Variants in PTGER4 observed in about 807,000 individuals in gnomAD.
PTGER4 encodes prostaglandin E receptor 4.
PTGER4 carries 11 observed loss-of-function variants against 33.2 expected under a neutral mutation model. That is an observed-to-expected ratio of 0.33 (90% CI 0.21 to 0.55). The LOEUF (loss-of-function observed/expected upper bound fraction) is 0.55. PTGER4 is among the 20% of genes least tolerant of loss of function. The pLI, the probability that PTGER4 is intolerant of heterozygous loss-of-function variation, is 0.92. For synonymous variants in PTGER4, 275 were observed against 281.5 expected, an observed-to-expected ratio of 0.98 and a Z score of 0.23; for missense variants, 481 against 650.2, an observed-to-expected ratio of 0.74 and a Z score of 2.83.
At position 40,692,953 on chromosome 5, in the gene PTGER4, A is replaced by C. The variant is rs1741510795; in HGVS notation, c.*575A>C. 3.1e-6 allele frequency: 3 copies of C among 963,188 alleles called. No individual in the cohort carries two copies. Among genetic ancestry groups the C allele is most frequent in the Non-Finnish European group, 3.7e-6 (3 of 809,528 alleles). The allele number at this position is 963,188 out of a possible 1,614,324, so 59.7% of individuals were successfully genotyped here. Reference sequence around the variant, plus strand: ...CCAGCTGAAGTTGCAGATGTTAGATATTTTTCATAAACAAGTTCGAGTCAA... The same window carrying C: ...CCAGCTGAAGTTGCAGATGTTAGATCTTTTTCATAAACAAGTTCGAGTCAA... On this transcript the variant is annotated 3_prime_UTR_variant, in exon 3 of 3. Coordinates refer to ENST00000302472, the MANE Select transcript of PTGER4 (RefSeq NM_000958.3).
chr5:40,734,146 T>C, the PTGER4 span, among the ~76,000 whole-genome samples: 1 of 152,212 alleles, frequency 6.6e-6, no homozygotes, highest in Non-Finnish European at 1.5e-5. Flanking sequence ...ATCATCAACT[T>C]ATTCAATTCT....
chr5:40,738,494 C>CAATAAAATAA, the PTGER4 span, among the ~76,000 whole-genome samples: 20 of 87,752 alleles, frequency 2.3e-4, no homozygotes, highest in African/African-American at 8.7e-4. Context: ...CAATACAATA[C>CAATAAAATAA]AATACAATAC....
chr5:40,746,381 C>T, the PTGER4 span, among the ~76,000 whole-genome samples: 1 of 152,022 alleles, frequency 6.6e-6, no homozygotes, highest in African/African-American at 2.4e-5. Context: ...AACTAAATAC[C>T]TATTTTTTTT....
chr5:40,717,362 C>T, the PTGER4 span, among the ~76,000 whole-genome samples: 1 of 151,980 alleles, frequency 6.6e-6, no homozygotes, highest in Non-Finnish European at 1.5e-5. Context: ...AAGGTATCAG[C>T]TGGGAATTGG....
chr5:40,698,111 AAAAAAAAAC>A (rs1218650028), downstream of PTGER4, among the ~76,000 whole-genome samples: 32 of 146,426 alleles, frequency 2.2e-4, no homozygotes, highest in South Asian at 6.6e-4. Flanking sequence ...AAAAAAAAAA[AAAAAAAAAC>A]CATGAAAAAT....
rs757175737 is a variant in PTGER4 at position 40,680,945 on chromosome 5, C to A, written c.-43-6C>A. 3.2e-5 allele frequency: 50 copies of A among 1,559,918 alleles called. No homozygotes were observed. The highest frequency in any genetic ancestry group is 4.2e-5 in the Non-Finnish European group (49 of 1,153,002). On this transcript the variant is annotated splice_region_variant and splice_polypyrimidine_tract_variant and intron_variant, in intron 1 of 2. Transcript: ENST00000302472. The surrounding 1 kb of genome is among the most constrained non-coding windows in gnomAD (Gnocchi z 5.5). ...GGCAGCTTTGTCTCTCTTCTACCAT[C>A]CCCAGACCCAGCCTTGCACTCCAAG...
chr5:40,710,013 T>C, the PTGER4 span, among the ~76,000 whole-genome samples: 6 of 152,194 alleles, frequency 3.9e-5, no homozygotes, highest in Non-Finnish European at 4.4e-5. Flanking sequence ...GACATAGGCA[T>C]AGGCAAGGAC....
At chr5:40,737,733 T>A in the PTGER4 span, among the ~76,000 whole-genome samples, 1 of 152,202 alleles carries the variant, frequency 6.6e-6, no homozygotes, top group East Asian at 1.9e-4. Flanking sequence ...TGTGCCCCTT[T>A]CTCGGGAAAT....
chr5:40,721,612 T>C, the PTGER4 span, among the ~76,000 whole-genome samples: 1 of 151,974 alleles, frequency 6.6e-6, no homozygotes, highest in African/African-American at 2.4e-5. Context: ...CAACTCCAAG[T>C]GCATTAAAGA....
chr5:40,703,222 C>CA, the PTGER4 span, among the ~76,000 whole-genome samples: 23 of 146,884 alleles, frequency 1.6e-4, no homozygotes, highest in East Asian at 2.0e-4. Flanking sequence ...TGGTTTTTTG[C>CA]AAAAAAAAAA....
chr5:40,731,821 G>T, the PTGER4 span, among the ~76,000 whole-genome samples: 255 of 152,236 alleles, frequency 1.7e-3, 1 homozygote, highest in Non-Finnish European at 3.1e-3. Flanking sequence ...AAAATGCTCC[G>T]TTCTTCATGA....
At chr5:40,713,735 G>T in the PTGER4 span, among the ~76,000 whole-genome samples, 53 of 152,106 alleles carry the variant, frequency 3.5e-4, no homozygotes, top group African/African-American at 1.2e-3. Flanking sequence ...AATATAACTT[G>T]AACAGTAAAC....
In PTGER4 at chr5:40,693,579, G is replaced by C; in HGVS notation, c.*1201G>C. On this transcript the variant is annotated 3_prime_UTR_variant, in exon 3 of 3. Coordinates refer to ENST00000302472, the MANE Select transcript of PTGER4 (RefSeq NM_000958.3). The stretch of plus-strand genomic sequence containing the variant: ...GTGATGCTGTACACATATTTGAAGG[G>C]TCTTTCTCAAAGAAATATTAAGCAT... 2 of 985,922 alleles carry C rather than the reference G, an allele frequency of 2.0e-6. No homozygotes were observed. The highest frequency in any genetic ancestry group is 2.4e-6 in the Non-Finnish European group (2 of 829,904). 61.1% of individuals were successfully genotyped at this position (985,922 alleles called of 1,614,324 possible).
chr5:40,698,120 C>CAAA (rs1352485485), downstream of PTGER4, among the ~76,000 whole-genome samples: 4 of 71,054 alleles, frequency 5.6e-5, no homozygotes, highest in Non-Finnish European at 1.1e-4. Flanking sequence ...AAAAAAAAAA[C>CAAA]CATGAAAAAT....
chr5:40,707,537 C>T, the PTGER4 span, among the ~76,000 whole-genome samples: 1 of 152,140 alleles, frequency 6.6e-6, no homozygotes, highest in Non-Finnish European at 1.5e-5. Context: ...AAAGCAAGTC[C>T]TTACAGACCT....
chr5:40,733,933 C>G, the PTGER4 span, among the ~76,000 whole-genome samples: 1 of 152,164 alleles, frequency 6.6e-6, no homozygotes, highest in Non-Finnish European at 1.5e-5. Flanking sequence ...TAAACACAGG[C>G]TTACAGATTT....
the PTGER4 span, among the ~76,000 whole-genome samples, chr5:40,710,494 T>C: frequency 6.6e-6 from 1 of 152,196 alleles, no homozygotes; most frequent in Non-Finnish European, 1.5e-5. Flanking sequence ...GTTAACTAGT[T>C]CAACCATTGT....
At chr5:40,724,032 A>T in the PTGER4 span, among the ~76,000 whole-genome samples, 1 of 152,232 alleles carries the variant, frequency 6.6e-6, no homozygotes, top group Admixed American at 6.5e-5. Context: ...ATTTCTGGAT[A>T]TTTATCCAAA....
intron 2 of PTGER4, among the ~76,000 whole-genome samples, chr5:40,685,734 C>T (rs1462280731): frequency 6.6e-6 from 1 of 152,198 alleles, no homozygotes; most frequent in African/African-American, 2.4e-5. Context: ...ACCTCAGTTT[C>T]CCAAGCTGCA....
Sources: allele counts gnomAD v4.1 joint callset (sites outside exome capture counted in the v4.1 genomes callset), GRCh38; gene constraint gnomAD v4.1.1; non-coding constraint Gnocchi (gnomAD v3.1); transcripts MANE v1.5; gene names NCBI Gene and HGNC (gene_info 2026-07-23, HGNC 2026-07-21).